ITSN2: variants seen among roughly 807,000 people sequenced by gnomAD.
ITSN2 encodes intersectin 2.
Under a neutral mutation model 243.7 loss-of-function variants are expected in ITSN2, and 156 were observed. That is an observed-to-expected ratio of 0.64 (90% CI 0.56 to 0.73). ITSN2 has a LOEUF of 0.73. Among genes scored for constraint, ITSN2 ranks in the 30% least tolerant of loss-of-function variants. The pLI, the probability that ITSN2 is intolerant of heterozygous loss-of-function variation, is 0.00. For missense variants in ITSN2, 1,801 were observed against 1,996.1 expected (o/e 0.90, Z 1.86); for synonymous variants, 703 against 699.9 (o/e 1.00, Z -0.07).
At chr2:24,320,291 G>A (rs1160513844) in intron 2 of ITSN2, among the ~76,000 whole-genome samples, 1 of 151,358 alleles carries the variant, frequency 6.6e-6, no homozygotes, top group Admixed American at 6.6e-5. Context: ...AGGCCGAGGA[G>A]GGTGGATCAT....
chr2:24,351,972 GATCT>G (rs1688060378), intron 1 of ITSN2, among the ~76,000 whole-genome samples: 1 of 152,172 alleles, frequency 6.6e-6, no homozygotes, highest in Admixed American at 6.5e-5. Flanking sequence ...AGGTTGCTAA[GATCT>G]ACAGTAAGAA....
chr2:24,334,995 G>A (rs535844297), intron 1 of ITSN2: 8 of 279,214 alleles, frequency 2.9e-5, no homozygotes, highest in East Asian at 2.8e-4. Context: ...CCCGGGAGGC[G>A]GAGCTTGCAG....
At chr2:24,270,563 A>AT (rs1169913953) in intron 20 of ITSN2, 108 bp downstream of exon 20, 7 of 633,198 alleles carry the variant, frequency 1.1e-5, no homozygotes, top group Non-Finnish European at 2.0e-5. Flanking sequence ...TTTAAGAAAC[A>AT]TTTTACAAAG....
intron 1 of ITSN2, among the ~76,000 whole-genome samples, chr2:24,333,765 AAGAC>A (rs1224014572): frequency 6.6e-6 from 1 of 152,224 alleles, no homozygotes; most frequent in Non-Finnish European, 1.5e-5. Context: ...TACTCACACT[AAGAC>A]AGAAAAAAGT....
intron 1 of ITSN2, chr2:24,330,579 G>A (rs868745748): frequency 2.4e-6 from 2 of 845,834 alleles, no homozygotes; most frequent in East Asian, 5.0e-5. Context: ...AAAGGGAAAA[G>A]CTTATGCTGG....
At chr2:24,283,704 T>C (rs181152813) in intron 17 of ITSN2, among the ~76,000 whole-genome samples, 2 of 152,284 alleles carry the variant, frequency 1.3e-5, no homozygotes, top group East Asian at 3.9e-4. Context: ...AGTGTAAGTC[T>C]GGAAGGCAGG....
chr2:24,336,866 G>A (rs2151885705), intron 1 of ITSN2, among the ~76,000 whole-genome samples: 1 of 152,188 alleles, frequency 6.6e-6, no homozygotes, highest in South Asian at 2.1e-4. Flanking sequence ...ATAAACATTT[G>A]CTGAACAAAT....
rs369264041 is a variant in ITSN2, at chr2:24,315,237, T to C, written c.32-13A>G. 14 of 1,486,508 alleles carry C rather than the reference T, an allele frequency of 9.4e-6. No homozygotes were observed. In the African/African-American group the frequency reaches 1.9e-4, roughly 21 times the overall value. 92.1% of individuals were successfully genotyped at this position (1,486,508 alleles called of 1,614,324 possible). A position where few individuals can be genotyped will look rare whatever the true frequency, so the allele number is the denominator to read the frequency against. On this transcript the variant is annotated splice_polypyrimidine_tract_variant and intron_variant, in intron 2 of 39. Transcript: ENST00000355123. ...ATGTTTGGCCCTCCTGAAACATAAG[T>C]GGAAGAAACTATAGTGTATACATGA...
At chr2:24,287,100 C>T (rs1000103995) in intron 15 of ITSN2, among the ~76,000 whole-genome samples, 3 of 152,036 alleles carry the variant, frequency 2.0e-5, no homozygotes, top group Non-Finnish European at 4.4e-5. Flanking sequence ...AAGTTCATCC[C>T]CCTTTTAGGC....
Position 24,204,209 on chromosome 2 carries a change from G to A in ITSN2, c.4936+36C>T. 1 of 1,609,326 alleles carries A rather than the reference G, an allele frequency of 6.2e-7. No homozygotes were observed. Among genetic ancestry groups the A allele is most frequent in the Non-Finnish European group, 8.5e-7 (1 of 1,176,906 alleles). On this transcript the variant is annotated intron_variant, in intron 39 of 39. Transcript: ENST00000355123. The surrounding 1 kb of genome is among the most constrained non-coding windows in gnomAD (Gnocchi z 5.1). The stretch of plus-strand genomic sequence containing the variant: ...TGGACTCCAGGATCTAGGAAACTGG[G>A]AAAGCCTTTAGATCCCCTGGCTGAG...
At chr2:24,283,811 C>T (rs575769002) in intron 17 of ITSN2, among the ~76,000 whole-genome samples, 1 of 152,216 alleles carries the variant, frequency 6.6e-6, no homozygotes, top group African/African-American at 2.4e-5. Flanking sequence ...TGAGGGAGAA[C>T]AGTCCACAAA....
At chr2:24,300,650 C>T (rs1458165941) in intron 11 of ITSN2, among the ~76,000 whole-genome samples, 4 of 151,010 alleles carry the variant, frequency 2.6e-5, no homozygotes, top group Admixed American at 1.3e-4. Context: ...ACCCAGGAGG[C>T]GGAAGTTGCA....
chr2:24,300,191 C>T lies in ITSN2; in HGVS notation c.1082-20G>A, dbSNP rs1681544908. 1.2e-6 allele frequency: 2 copies of T among 1,613,058 alleles called. No homozygotes were observed. Among genetic ancestry groups the T allele is most frequent in the East Asian group, 2.2e-5 (1 of 44,884 alleles). ...AAGTAACTGAACAAGGTATGCCTAT[C>T]AGCATCCACACACATTAACAGCCTA... On this transcript the variant is annotated intron_variant, in intron 11 of 39. Coordinates refer to ENST00000355123, the MANE Select transcript of ITSN2 (RefSeq NM_006277.3).
chr2:24,289,841 C>T (rs1243358761), intron 15 of ITSN2, among the ~76,000 whole-genome samples: 2 of 152,138 alleles, frequency 1.3e-5, no homozygotes, highest in Admixed American at 6.5e-5. Flanking sequence ...TTATGTGTGG[C>T]CCAAGACAAC....
intron 17 of ITSN2, among the ~76,000 whole-genome samples, chr2:24,277,321 T>C (rs1337171612): frequency 6.6e-6 from 1 of 152,160 alleles, no homozygotes; most frequent in Non-Finnish European, 1.5e-5. Context: ...ATAACACAAC[T>C]CCAAACTCCA....
At chr2:24,329,061 C>A (rs1574331328) in intron 1 of ITSN2, among the ~76,000 whole-genome samples, 1 of 152,154 alleles carries the variant, frequency 6.6e-6, no homozygotes, top group South Asian at 2.1e-4. Flanking sequence ...ATAAAAAATA[C>A]TTTGCAGAAG....
Position 24,204,613 on chromosome 2 carries a change from T to TTAAC in ITSN2, c.4763-199_4763-196dup. The TTAAC allele has an allele frequency of 3.0e-6, 2 of 671,488 alleles. No individual in the cohort carries two copies. The highest frequency in any genetic ancestry group is 3.0e-5 in the South Asian group (2 of 66,518). The allele number at this position is 671,488 out of a possible 1,614,324, so 41.6% of individuals were successfully genotyped here. A position where few individuals can be genotyped will look rare whatever the true frequency, so the allele number is the denominator to read the frequency against. On this transcript the variant is annotated intron_variant, in intron 38 of 39. Transcript: ENST00000355123. This position sits in a 1 kb window ranked among gnomAD's most constrained non-coding sequence, Gnocchi z 5.1. ...CAAGTTCCCAGTGCTGACAGCAGCA[T>TTAAC]TAACTGGGGAGTGGCCGAGAGCTCC... is the stretch of plus-strand genomic sequence containing the variant.
In ITSN2 at chr2:24,303,809, C is replaced by T; in HGVS notation, c.847G>A (p.Ala283Thr). 1 of 1,602,164 alleles carries T rather than the reference C, an allele frequency of 6.2e-7. No individual in the cohort carries two copies. Among genetic ancestry groups the T allele is most frequent in the Non-Finnish European group, 8.6e-7 (1 of 1,169,300 alleles). The stretch of plus-strand genomic sequence containing the variant: ...AAGGGACAAACTTACCAAATAGTAG[C>T]CAGCTGAGTTTGAGAAAGATTTGAC... ...LQSNLSQTQLATIWTLADVDG... is the reference protein window; with the variant it reads ...LQSNLSQTQLTTIWTLADVDG... Residue 283 changes from alanine to threonine, a missense_variant, in exon 9 of 40, where the codon GCT becomes ACT. By Grantham distance (58) the Ala-to-Thr change is moderately conservative. Coordinates refer to ENST00000355123, the MANE Select transcript of ITSN2 (RefSeq NM_006277.3).
At chr2:24,220,697 C>T (rs915874574) in intron 30 of ITSN2, 1 of 1,309,884 alleles carries the variant, frequency 7.6e-7, no homozygotes, top group African/African-American at 1.5e-5. Flanking sequence ...CTCTTGTTCT[C>T]CCGCTTCACT....
Sources: allele counts gnomAD v4.1 joint callset (sites outside exome capture counted in the v4.1 genomes callset), GRCh38; gene constraint gnomAD v4.1.1; non-coding constraint Gnocchi (gnomAD v3.1); transcripts MANE v1.5; gene names NCBI Gene and HGNC (gene_info 2026-07-23, HGNC 2026-07-21).